EPS15: variants seen among roughly 807,000 people sequenced by gnomAD.
EPS15 encodes the protein epidermal growth factor receptor pathway substrate 15.
In EPS15, 72 loss-of-function variants were observed where a neutral mutation model predicts 113.8. The ratio of observed to expected loss-of-function variants is 0.63; its 90% CI spans 0.52 to 0.77. The LOEUF is 0.77. Ranked by LOEUF, EPS15 falls within the 30% of genes least tolerant of loss-of-function variation. EPS15 has a pLI of 0.00. For synonymous variants in EPS15, 344 were observed against 363.4 expected (o/e 0.95, Z 0.61); for missense variants, 1,048 against 1,045.8 (o/e 1.00, Z -0.03).
intron 7 of EPS15, 73 bp from the exon 8 acceptor site, chr1:51,461,223 A>G (rs1379002358): frequency 4.4e-6 from 5 of 1,129,250 alleles, no homozygotes; most frequent in Non-Finnish European, 6.7e-6. Flanking sequence ...AAGAAAAGAA[A>G]GTTTATGAGC....
chr1:51,508,343 A>AG lies in EPS15; in HGVS notation c.33+10855dup, dbSNP rs1553139591. Among the ~76,000 whole-genome samples, 3 of 101,668 alleles carry AG rather than the reference A, an allele frequency of 3.0e-5. 1 individual carries two copies. The highest frequency in any genetic ancestry group is 1.4e-4 in the African/African-American group (3 of 21,222). 66.7% of individuals were successfully genotyped at this position (101,668 alleles called of 152,430 possible). On this transcript the variant is annotated intron_variant, in intron 1 of 24. Transcript: ENST00000371733. Reference sequence around the variant, plus strand: ...GAAAGAGAGAAAGAGAAAGAGAGAAAGAAAGAAAGAAAGAAAGAAAGAAAG... The same window carrying AG: ...GAAAGAGAGAAAGAGAAAGAGAGAAAGGAAAGAAAGAAAGAAAGAAAGAAAG...
intron 12 of EPS15, among the ~76,000 whole-genome samples, chr1:51,429,656 T>C (rs1651536987): frequency 1.3e-5 from 2 of 150,070 alleles, no homozygotes; most frequent in South Asian, 2.1e-4. Context: ...TTTTTTTTTT[T>C]TTTCTTTTTT....
intron 24 of EPS15, among the ~76,000 whole-genome samples, chr1:51,359,160 G>A (rs915208709): frequency 2.9e-4 from 44 of 152,160 alleles, no homozygotes; most frequent in African/African-American, 9.6e-4. Flanking sequence ...TGAAAGTTAA[G>A]TCGGGCTGGA....
chr1:51,374,477 G>A (rs1490879364), intron 21 of EPS15, among the ~76,000 whole-genome samples: 2 of 152,170 alleles, frequency 1.3e-5, no homozygotes, highest in African/African-American at 2.4e-5. Context: ...GGTGGCGGAT[G>A]CCTGTAATCT....
intron 21 of EPS15, among the ~76,000 whole-genome samples, chr1:51,370,747 A>G (rs1193661105): frequency 6.6e-6 from 1 of 151,152 alleles, no homozygotes; most frequent in African/African-American, 2.4e-5. Flanking sequence ...CAGCCTCCTG[A>G]GTAGCTAAGA....
intron 13 of EPS15, among the ~76,000 whole-genome samples, chr1:51,418,725 A>G (rs1650478480): frequency 6.6e-6 from 1 of 152,294 alleles, no homozygotes; most frequent in Admixed American, 6.5e-5. Flanking sequence ...CTGAACACTT[A>G]CCAAGTGCCA....
At chr1:51,408,527 C>G (rs1189650962) in intron 14 of EPS15, among the ~76,000 whole-genome samples, 195 bp from the exon 15 acceptor site, 1 of 152,128 alleles carries the variant, frequency 6.6e-6, no homozygotes, top group African/African-American at 2.4e-5. Context: ...ATTCAAACTC[C>G]TGGGCTCAAG....
chr1:51,422,020 A>T (rs1650806473), intron 12 of EPS15, 162 bp from the exon 13 acceptor site: 11 of 1,310,788 alleles, frequency 8.4e-6, no homozygotes, highest in Non-Finnish European at 1.1e-5. Context: ...TATTTATGAA[A>T]TAAAAATCAA....
chr1:51,414,667 A>G (rs1650046329), intron 13 of EPS15, among the ~76,000 whole-genome samples: 1 of 152,130 alleles, frequency 6.6e-6, no homozygotes, highest in African/African-American at 2.4e-5. Context: ...CCAAAGAAAA[A>G]TATTCTTTAT....
At chr1:51,387,790 C>T (rs1165186779) in intron 21 of EPS15, among the ~76,000 whole-genome samples, 1 of 152,138 alleles carries the variant, frequency 6.6e-6, no homozygotes, top group African/African-American at 2.4e-5. Flanking sequence ...TATATATGCA[C>T]CCAATACAGG....
At chr1:51,387,729 T>C (rs1647126224) in intron 21 of EPS15, among the ~76,000 whole-genome samples, 1 of 152,118 alleles carries the variant, frequency 6.6e-6, no homozygotes, top group Non-Finnish European at 1.5e-5. Context: ...AAGAAGGCCA[T>C]TACATAATGG....
At chr1:51,505,750 C>A (rs949434117) in intron 1 of EPS15, among the ~76,000 whole-genome samples, 8 of 151,856 alleles carry the variant, frequency 5.3e-5, no homozygotes, top group Non-Finnish European at 8.8e-5. Flanking sequence ...CAAAAAAAGT[C>A]TCTTAATAAA....
At chr1:51,400,712 C>CAAAAAAAAAAAAAAAAAACA in intron 19 of EPS15, among the ~76,000 whole-genome samples, 1 of 60,188 alleles carries the variant, frequency 1.7e-5, no homozygotes, top group Non-Finnish European at 3.1e-5. Flanking sequence ...CAAAAAACAC[C>CAAAAAAAAAAAAAAAAAACA]AAAAAAAAAA....
chr1:51,447,933 AC>A (rs1432502711), intron 9 of EPS15, 112 bp downstream of exon 9: 1 of 1,458,310 alleles, frequency 6.9e-7, no homozygotes, highest in East Asian at 2.3e-5. Flanking sequence ...ATAAATCTAT[AC>A]CTGTCTTAAT....
At chr1:51,401,953 A>G (rs1408928872) in intron 18 of EPS15, among the ~76,000 whole-genome samples, 1 of 152,208 alleles carries the variant, frequency 6.6e-6, no homozygotes, top group Admixed American at 6.5e-5. Flanking sequence ...CCTGGCCAAC[A>G]TGGTGAAACC....
chr1:51,422,057 T>C lies in EPS15; in HGVS notation c.1041-199A>G, dbSNP rs968090653. 12 of 1,208,658 alleles carry C rather than the reference T, an allele frequency of 9.9e-6. No individual in the cohort carries two copies. In the East Asian group the frequency reaches 1.6e-4, roughly 16 times the overall value. The allele number at this position is 1,208,658 out of a possible 1,614,324, so 74.9% of individuals were successfully genotyped here. A position where few individuals can be genotyped will look rare whatever the true frequency, so the allele number is the denominator to read the frequency against. On this transcript the variant is annotated intron_variant, in intron 12 of 24. Coordinates refer to ENST00000371733, the MANE Select transcript of EPS15 (RefSeq NM_001981.3). ...ATAAGCTCCATTTGTAAAAAAAAAA[T>C]TGCTTTCTCACTAAAATGTGGTGAA... is the stretch of plus-strand genomic sequence containing the variant.
At chr1:51,431,283 T>A (rs1334093216) in intron 12 of EPS15, among the ~76,000 whole-genome samples, 1 of 152,012 alleles carries the variant, frequency 6.6e-6, no homozygotes, top group Non-Finnish European at 1.5e-5. Flanking sequence ...GTTTTATTTT[T>A]AAAAATAAGA....
At chr1:51,451,505 A>AAAAAAAAAAAGAAAG (rs763389428) in intron 8 of EPS15, among the ~76,000 whole-genome samples, 4 of 147,558 alleles carry the variant, frequency 2.7e-5, no homozygotes, top group African/African-American at 5.0e-5. Flanking sequence ...AAAAAAAAAA[A>AAAAAAAAAAAGAAAG]AAAGAAAGAA....
At chr1:51,514,992 T>C (rs773821897) in intron 1 of EPS15, among the ~76,000 whole-genome samples, 8 of 152,198 alleles carry the variant, frequency 5.3e-5, no homozygotes, top group Non-Finnish European at 8.8e-5. Flanking sequence ...CTAACCTGTA[T>C]TTACTGTCAT....
Sources: gnomAD v4.1 joint callset for allele counts (sites outside exome capture counted in the v4.1 genomes callset) on GRCh38, gnomAD v4.1.1 for gene constraint, MANE v1.5 for transcripts, NCBI Gene and HGNC (gene_info 2026-07-23, HGNC 2026-07-21) for gene names.